Variants in BRCC3 observed in about 807,000 individuals in gnomAD.
The protein encoded by BRCC3 is BRCA1/BRCA2-containing complex subunit 3.
Under a neutral mutation model 28.0 loss-of-function variants are expected in BRCC3, and 15 were observed. The ratio of observed to expected loss-of-function variants is 0.54; its 90% CI spans 0.36 to 0.82. BRCC3 has a LOEUF of 0.82. BRCC3 is among the 40% of genes least tolerant of loss of function. BRCC3 has a pLI of 0.01. For missense variants in BRCC3, 109 were observed against 225.9 expected (o/e 0.48, Z 3.32); for synonymous variants, 66 against 80.3 (o/e 0.82, Z 0.95).
At chrX:155,077,355 T>A in intron 4 of BRCC3, 66 bp downstream of exon 4, 1 of 1,020,929 alleles carries the variant, frequency 9.8e-7, no homozygotes, top group Non-Finnish European at 1.3e-6. Context: ...TGCTGCTTGC[T>A]GCAGTCATCC....
At chrX:155,106,851 C>T (rs2074288090) in intron 7 of BRCC3, among the ~76,000 whole-genome samples, 1 of 111,696 alleles carries the variant, frequency 9.0e-6, no homozygotes, top group Non-Finnish European at 1.9e-5. Context: ...GTAATGGGGT[C>T]AATTTTGGTA....
intron 9 of BRCC3, among the ~76,000 whole-genome samples, chrX:155,117,202 C>G (rs1346397703): frequency 8.9e-6 from 1 of 111,777 alleles, no homozygotes; most frequent in Non-Finnish European, 1.9e-5. Context: ...TTGGTTCCAG[C>G]ATAACACTAC....
chrX:155,108,342 G>A lies in BRCC3; in HGVS notation c.549-7715G>A, dbSNP rs781877750. Among the ~76,000 whole-genome samples, 3 of 111,893 alleles carry A rather than the reference G, an allele frequency of 2.7e-5. No individual in the cohort carries two copies. The South Asian group carries it at 1.1e-3, about 41-fold the overall frequency. On this transcript the variant is annotated intron_variant, in intron 7 of 10. Coordinates refer to ENST00000330045, the MANE Select transcript of BRCC3 (RefSeq NM_001018055.3). ...TATATGTTCTATTGTTAGGCATTTG[G>A]GTTGTTTCCAATTTGGGGCTCTTAT...
chrX:155,088,075 A>G (rs2074146681), intron 5 of BRCC3, among the ~76,000 whole-genome samples: 1 of 112,263 alleles, frequency 8.9e-6, no homozygotes, highest in African/African-American at 3.2e-5. Flanking sequence ...TTACAATGCT[A>G]TGTTCTTTTA....
At chrX:155,118,813 A>G (rs2074373088) in intron 9 of BRCC3, among the ~76,000 whole-genome samples, 1 of 111,832 alleles carries the variant, frequency 8.9e-6, no homozygotes, top group Admixed American at 9.5e-5. Flanking sequence ...TACCTCCAAC[A>G]TTGGGGGTCA....
At chrX:155,073,930 T>C (rs2074008650) in intron 3 of BRCC3, among the ~76,000 whole-genome samples, 1 of 111,707 alleles carries the variant, frequency 9.0e-6, no homozygotes, top group African/African-American at 3.3e-5. Context: ...CTAATCGTGG[T>C]ATCGGACCAG....
intron 5 of BRCC3, among the ~76,000 whole-genome samples, chrX:155,085,791 GAGCCTTGGGGCGGTTTACAGA>G (rs1557294735): frequency 1.8e-5 from 2 of 111,846 alleles, no homozygotes; most frequent in African/African-American, 6.5e-5. Context: ...GTCTTGGCTT[GAGCCTTGGGGCGGTTTACAGA>G]GTTTCTGTCT....
chrX:155,072,546 A>G (rs1557292769), intron 2 of BRCC3, among the ~76,000 whole-genome samples: 1 of 111,128 alleles, frequency 9.0e-6, no homozygotes, highest in African/African-American at 3.3e-5. Flanking sequence ...AAACATCTTA[A>G]TAAGCATTAT....
chrX:155,102,194 C>A (rs1289353575), intron 7 of BRCC3, among the ~76,000 whole-genome samples: 1 of 111,935 alleles, frequency 8.9e-6, no homozygotes, highest in East Asian at 2.8e-4. Flanking sequence ...ATCACACTGG[C>A]TGAACATACA....
At chrX:155,083,642 A>G (rs2074099483) in intron 5 of BRCC3, among the ~76,000 whole-genome samples, 1 of 112,337 alleles carries the variant, frequency 8.9e-6, no homozygotes. Context: ...AATGAGAGAA[A>G]CACGGTCCCT....
intron 5 of BRCC3, among the ~76,000 whole-genome samples, chrX:155,086,346 G>A (rs1027522965): frequency 1.1e-4 from 12 of 111,341 alleles, no homozygotes; most frequent in African/African-American, 3.6e-4. Flanking sequence ...CCACCTGCCC[G>A]CCTGCCCTCG....
At chrX:155,099,080 T>C (rs1165308634) in intron 7 of BRCC3, among the ~76,000 whole-genome samples, 1 of 111,657 alleles carries the variant, frequency 9.0e-6, no homozygotes, top group Non-Finnish European at 1.9e-5. Flanking sequence ...TTTTTATTTA[T>C]GCCTTGAATT....
In BRCC3 at chrX:155,077,881, G is replaced by A. The variant is rs782732333; in HGVS notation, c.315+592G>A. On this transcript the variant is annotated intron_variant, in intron 4 of 10. Transcript: ENST00000330045. Reference sequence around the variant, plus strand: ...TCAGGGATCCTTTCCCTGGCCTCTCGTAGTTTCCTCACATGCTTCCGCTCA... The same window carrying A: ...TCAGGGATCCTTTCCCTGGCCTCTCATAGTTTCCTCACATGCTTCCGCTCA... 6.3e-5 allele frequency among the ~76,000 whole-genome samples: 7 copies of A among 111,963 alleles called. No individual in the cohort carries two copies. The South Asian group carries it at 1.8e-3, about 29-fold the overall frequency.
At position 155,090,840 on chromosome X, in the gene BRCC3, G is replaced by A; in HGVS notation, c.548+1G>A. 1 of 1,167,370 alleles carries A rather than the reference G, an allele frequency of 8.6e-7. No homozygotes were observed. Among genetic ancestry groups the A allele is most frequent in the South Asian group, 1.8e-5 (1 of 54,444 alleles). ...CCATACAGGCCCAAAAGAGTTCAGA[G>A]TAAGTATGAGAGAGACTTATGTGTG... On this transcript the variant is annotated splice_donor_variant, in intron 7 of 10. Transcript: ENST00000330045. LOFTEE classifies it high-confidence loss of function.
In BRCC3 at chrX:155,120,123, T is replaced by G. The variant is rs782688775; in HGVS notation, c.849T>G (p.Leu283=). The G allele has an allele frequency of 5.6e-5, 67 of 1,206,923 alleles. No individual in the cohort carries two copies. In the South Asian group the frequency reaches 1.1e-3, roughly 21 times the overall value. ...LQELQQEKEE[L]MQELSSLE is the part of the protein sequence containing the mutation. ...AATTACAACAAGAAAAGGAAGAGCTTATGCAAGAACTTTCTTCTCTAGAAT... is the reference window on the plus strand; with the variant it reads ...AATTACAACAAGAAAAGGAAGAGCTGATGCAAGAACTTTCTTCTCTAGAAT... Residue 283 remains leucine (L), a synonymous_variant, in exon 10 of 11, where the codon CTT becomes CTG. Transcript: ENST00000330045.
In BRCC3 at chrX:155,089,337, G is replaced by A; in HGVS notation, c.478G>A (p.Asp160Asn). 2 of 1,157,994 alleles carry A rather than the reference G, an allele frequency of 1.7e-6. No individual in the cohort carries two copies. Among genetic ancestry groups the A allele is most frequent in the Non-Finnish European group, 2.3e-6 (2 of 860,076 alleles). ...VGLIFSCFIEDKNTKTGRVLY... is the reference protein window; with the variant it reads ...VGLIFSCFIENKNTKTGRVLY... ...ACTTATTTTTTCCTGTTTCATAGAA[G>A]ATAAGAACACAAAGGTATTGTGTGT... Residue 160 changes from aspartate (D) to asparagine (N), a missense_variant, in exon 6 of 11, where the codon GAT (aspartate) becomes AAT (asparagine). Transcript: ENST00000330045.
chrX:155,082,060 A>G (rs2074089212), intron 5 of BRCC3, among the ~76,000 whole-genome samples: 1 of 112,307 alleles, frequency 8.9e-6, no homozygotes, highest in Admixed American at 9.4e-5. Context: ...AGATGTTACT[A>G]AGACAAGCTG....
chrX:155,073,145 C>T (rs1273745105), intron 2 of BRCC3, among the ~76,000 whole-genome samples: 1 of 111,500 alleles, frequency 9.0e-6, no homozygotes, highest in Non-Finnish European at 1.9e-5. Flanking sequence ...CCCAGGATTC[C>T]AGGAATTTAG....
chrX:155,082,801 T>G (rs782724928), intron 5 of BRCC3, among the ~76,000 whole-genome samples: 1 of 112,669 alleles, frequency 8.9e-6, no homozygotes, highest in African/African-American at 3.2e-5. Context: ...AATATTGTCC[T>G]TTATGGCAGT....
Sources: gnomAD v4.1 joint callset for allele counts (sites outside exome capture counted in the v4.1 genomes callset) on GRCh38, gnomAD v4.1.1 for gene constraint, MANE v1.5 for transcripts, NCBI Gene and HGNC (gene_info 2026-07-23, HGNC 2026-07-21) for gene names.